The following SLC9B1 variants were observed in gnomAD, a reference collection of about 807,000 sequenced individuals.
The protein encoded by SLC9B1 is solute carrier family 9 member B1.
SLC9B1 carries 32 observed loss-of-function variants against 51.7 expected under a neutral mutation model. That is an observed-to-expected ratio of 0.62 (90% CI 0.47 to 0.83). The LOEUF (loss-of-function observed/expected upper bound fraction) is 0.83, where lower values mean the gene tolerates loss of function less well. Ranked by LOEUF, SLC9B1 falls within the 40% of genes least tolerant of loss-of-function variation. SLC9B1 has a pLI of 0.00. For missense variants in SLC9B1, 406 were observed against 613.2 expected (o/e 0.66, Z 3.57); for synonymous variants, 145 against 212.7 (o/e 0.68, Z 2.77).
intron 11 of SLC9B1, among the ~76,000 whole-genome samples, chr4:102,893,273 C>A (rs2110412143): frequency 1.4e-5 from 1 of 70,774 alleles, no homozygotes. Flanking sequence ...CAGAGCAAGA[C>A]TCCATCTCAA....
At chr4:102,948,325 T>TACACACACACACACACAC (rs375091561) in intron 4 of SLC9B1, among the ~76,000 whole-genome samples, 10 of 127,468 alleles carry the variant, frequency 7.8e-5, no homozygotes, top group African/African-American at 1.5e-4. Flanking sequence ...GGCAAAGCCA[T>TACACACACACACACACAC]ACACACACAC....
intron 3 of SLC9B1, among the ~76,000 whole-genome samples, chr4:102,985,538 TC>T (rs1157596617): frequency 1.0e-5 from 1 of 95,606 alleles, no homozygotes; most frequent in Non-Finnish European, 1.9e-5. Flanking sequence ...CATTTTCTTT[TC>T]TTTTTTTTTT....
At chr4:102,986,498 T>A (rs1739633275) in intron 3 of SLC9B1, among the ~76,000 whole-genome samples, 1 of 152,226 alleles carries the variant, frequency 6.6e-6, no homozygotes, top group Non-Finnish European at 1.5e-5. Context: ...TTCCAGAATC[T>A]GTGACTTGGT....
chr4:102,913,036 G>A (rs1735412137), intron 7 of SLC9B1, among the ~76,000 whole-genome samples: 1 of 152,134 alleles, frequency 6.6e-6, no homozygotes, highest in Non-Finnish European at 1.5e-5. Flanking sequence ...ACAGACAAGT[G>A]CAAAGCCAAG....
At chr4:102,989,471 T>G (rs915162236) in intron 3 of SLC9B1, among the ~76,000 whole-genome samples, 1 of 152,010 alleles carries the variant, frequency 6.6e-6, no homozygotes, top group Non-Finnish European at 1.5e-5. Context: ...TCCAAAATTA[T>G]AATGTTCTTT....
At chr4:102,974,066 A>G (rs7681002) in intron 3 of SLC9B1, among the ~76,000 whole-genome samples, 86,069 of 150,912 alleles carry the variant, frequency 0.57, 25,856 homozygotes, top group African/African-American at 0.77. Context: ...TGAAACCCCC[A>G]TCTCTACTGA....
chr4:102,901,005 T>G lies in SLC9B1; in HGVS notation c.*112A>C. 5.9e-6 allele frequency: 9 copies of G among 1,528,474 alleles called. No homozygotes were observed. The highest frequency in any genetic ancestry group is 7.9e-6 in the Non-Finnish European group (9 of 1,141,194). 94.7% of individuals were successfully genotyped at this position (1,528,474 alleles called of 1,614,324 possible). ...AAAGCCCTGTACTGAAATCACATGT[T>G]TACTAAATCCTGGATTCTCTGTACA... is the stretch of plus-strand genomic sequence containing the variant. On this transcript the variant is annotated 3_prime_UTR_variant, in exon 12 of 12. Coordinates refer to ENST00000296422, the MANE Select transcript of SLC9B1 (RefSeq NM_139173.4).
intron 1 of SLC9B1, among the ~76,000 whole-genome samples, chr4:103,004,968 C>A (rs1740705386): frequency 6.6e-6 from 1 of 152,060 alleles, no homozygotes. Flanking sequence ...CTGTTACCAG[C>A]CACCACAAAA....
chr4:102,890,424 C>A (rs1198369956), intron 11 of SLC9B1: 1 of 152,122 alleles, frequency 6.6e-6, no homozygotes, highest in Non-Finnish European at 1.5e-5. Context: ...TTATTTGATA[C>A]CTACCAAAGA....
chr4:102,948,769 A>G (rs1402087539), intron 4 of SLC9B1, among the ~76,000 whole-genome samples: 1 of 152,182 alleles, frequency 6.6e-6, no homozygotes, highest in Admixed American at 6.5e-5. Flanking sequence ...AACAATGGGT[A>G]CATATGGACC....
intron 3 of SLC9B1, among the ~76,000 whole-genome samples, chr4:102,986,843 A>C (rs1739650782): frequency 6.6e-6 from 1 of 152,132 alleles, no homozygotes; most frequent in Admixed American, 6.6e-5. Context: ...TCCTGTTTAT[A>C]ATACTCATCT....
intron 1 of SLC9B1, among the ~76,000 whole-genome samples, chr4:103,004,927 T>C (rs1740702668): frequency 6.6e-6 from 1 of 152,150 alleles, no homozygotes. Context: ...CAAGAGGTCC[T>C]GAAGGGAGTG....
At chr4:102,996,227 G>A (rs1054051578) in intron 1 of SLC9B1, among the ~76,000 whole-genome samples, 18 of 151,456 alleles carry the variant, frequency 1.2e-4, no homozygotes, top group African/African-American at 4.4e-4. Flanking sequence ...CCATTTTTTT[G>A]TTGTACTGGA....
At chr4:103,008,422 CT>C (rs3974483) in intron 1 of SLC9B1, among the ~76,000 whole-genome samples, 354 of 145,716 alleles carry the variant, frequency 2.4e-3, no homozygotes, top group South Asian at 3.7e-3. Context: ...TCATTTGCTA[CT>C]TTTTTTTTTT....
chr4:102,946,739 G>T lies in SLC9B1; in HGVS notation c.433C>A (p.His145Asn). ...GACCATGTGTTAGGAACATGGACAT[G>T]TTCATTGATGAATGGAACATTCCTA... Reference protein sequence around the residue: ...TIRNVPFINEHVHVPNTWSSI... With the variant: ...TIRNVPFINENVHVPNTWSSI... Residue 145 changes from histidine to asparagine, a missense_variant, in exon 5 of 12, where the codon CAT (histidine) becomes AAT (asparagine). His to Asn is a moderately conservative substitution (Grantham distance 68). Coordinates refer to ENST00000296422, the MANE Select transcript of SLC9B1 (RefSeq NM_139173.4). The T allele has an allele frequency of 1.9e-6, 3 of 1,609,136 alleles. No homozygotes were observed. Among genetic ancestry groups the T allele is most frequent in the Non-Finnish European group, 2.5e-6 (3 of 1,178,756 alleles).
chr4:102,979,782 G>A (rs1739260061), intron 3 of SLC9B1, among the ~76,000 whole-genome samples: 1 of 152,016 alleles, frequency 6.6e-6, no homozygotes, highest in Admixed American at 6.6e-5. Flanking sequence ...ATTACAGAGA[G>A]ATCTCAAAAA....
chr4:102,885,973 T>C (rs1578316063), intron 11 of SLC9B1, among the ~76,000 whole-genome samples: 2 of 152,326 alleles, frequency 1.3e-5, no homozygotes. Context: ...ATAAGTACTA[T>C]AAGTAGTTGA....
intron 6 of SLC9B1, among the ~76,000 whole-genome samples, chr4:102,937,494 AG>A (rs1227993546): frequency 7.1e-6 from 1 of 139,890 alleles, no homozygotes; most frequent in Admixed American, 7.3e-5. Context: ...TGGGAGGCTG[AG>A]GGGGGTGGAT....
At chr4:102,996,183 A>G (rs994372538) in intron 1 of SLC9B1, among the ~76,000 whole-genome samples, 2 of 152,024 alleles carry the variant, frequency 1.3e-5, no homozygotes, top group Non-Finnish European at 2.9e-5. Context: ...GGCCATTTGA[A>G]TATCTTCTTT....
Sources: gnomAD v4.1 joint callset for allele counts (sites outside exome capture counted in the v4.1 genomes callset) on GRCh38, gnomAD v4.1.1 for gene constraint, MANE v1.5 for transcripts, NCBI Gene and HGNC (gene_info 2026-07-23, HGNC 2026-07-21) for gene names.